The following SMIM36 variants were observed in gnomAD, a reference collection of about 807,000 sequenced individuals.
The protein encoded by SMIM36 is small integral membrane protein 36.
upstream of SMIM36, among the ~76,000 whole-genome samples, chr17:55,515,516 A>T (rs1187188023): frequency 1.3e-5 from 2 of 152,208 alleles, no homozygotes; most frequent in Non-Finnish European, 2.9e-5. Context: ...TAAGGGTGAG[A>T]TTTCACTGGA....
chr17:55,491,034 C>A (rs1389939221), intron 1 of SMIM36, among the ~76,000 whole-genome samples: 1 of 151,880 alleles, frequency 6.6e-6, no homozygotes, highest in Non-Finnish European at 1.5e-5. Flanking sequence ...ACAGGAGGAT[C>A]TCTTGAGCCC....
upstream of SMIM36, among the ~76,000 whole-genome samples, chr17:55,515,061 C>T (rs919507127): frequency 2.4e-4 from 30 of 124,920 alleles, no homozygotes; most frequent in African/African-American, 7.9e-4. Flanking sequence ...GACATTAAAG[C>T]AATGTTTTTG....
intron 4 of SMIM36, among the ~76,000 whole-genome samples, chr17:55,459,985 C>A (rs893997031): frequency 6.6e-6 from 1 of 152,060 alleles, no homozygotes; most frequent in Non-Finnish European, 1.5e-5. Context: ...GAGTGAGACC[C>A]TGTTTCTCAA....
chr17:55,453,296 G>GACAGAGTAAGACCTTGTCT lies in SMIM36; in HGVS notation c.*532-2999_*532-2998insAGACAAGGTCTTACTCTGT, dbSNP rs370513609. ...CAAGCCGCTGTACCCCAGCCTGGGT[G>GACAGAGTAAGACCTTGTCT]ACATAAATAAGTAAGTAAATAAATA... On this transcript the variant is annotated intron_variant, in intron 4 of 4. Coordinates refer to ENST00000636752, the Ensembl canonical transcript of SMIM36. Among the ~76,000 whole-genome samples the GACAGAGTAAGACCTTGTCT allele has an allele frequency of 8.2e-3, 1,244 of 152,246 alleles. 16 individuals carry two copies. The highest frequency in any genetic ancestry group is 0.028 in the African/African-American group (1,179 of 41,518).
At chr17:55,513,291 C>T (rs754708799), upstream of SMIM36, among the ~76,000 whole-genome samples, 5 of 152,142 alleles carry the variant, frequency 3.3e-5, no homozygotes, top group Non-Finnish European at 2.9e-5. Flanking sequence ...GGCCAATATG[C>T]GGTCACCAGG....
rs1277970796 is a variant in SMIM36 at position 55,501,235 on chromosome 17, A to T, written c.*174+9644T>A. ...TATAATATATATTATATATTATAAT[A>T]TATAATATAGTATTATATTTTATAT... is the stretch of plus-strand genomic sequence containing the variant. On this transcript the variant is annotated intron_variant, in intron 1 of 4. Coordinates refer to ENST00000636752, the Ensembl canonical transcript of SMIM36. Among the ~76,000 whole-genome samples the T allele has an allele frequency of 1.8e-4, 16 of 86,724 alleles. 1 individual carries two copies. The highest frequency in any genetic ancestry group is 2.6e-4 in the African/African-American group (6 of 23,228). The allele number at this position is 86,724 out of a possible 152,430, so 56.9% of individuals were successfully genotyped here. A position where few individuals can be genotyped will look rare whatever the true frequency, so the allele number is the denominator to read the frequency against.
intron 3 of SMIM36, among the ~76,000 whole-genome samples, chr17:55,467,636 T>C (rs1454729166): frequency 3.9e-5 from 6 of 152,148 alleles, no homozygotes; most frequent in Admixed American, 3.9e-4. Flanking sequence ...GACCTCGTGA[T>C]CCGCCTGCCA....
intron 1 of SMIM36, among the ~76,000 whole-genome samples, chr17:55,502,906 C>T (rs1910018366): frequency 1.4e-5 from 2 of 143,530 alleles, no homozygotes; most frequent in Non-Finnish European, 1.5e-5. Flanking sequence ...AAAACCAAGG[C>T]TCGAGAACTA....
intron 1 of SMIM36, among the ~76,000 whole-genome samples, chr17:55,497,212 A>T (rs1402174768): frequency 2.6e-5 from 4 of 152,060 alleles, no homozygotes; most frequent in Non-Finnish European, 4.4e-5. Context: ...AACCACAAGC[A>T]CATTTTTCTA....
intron 1 of SMIM36, among the ~76,000 whole-genome samples, chr17:55,505,679 C>G (rs1910069016): frequency 1.4e-5 from 1 of 72,964 alleles, no homozygotes; most frequent in Non-Finnish European, 2.2e-5. Flanking sequence ...ACAGGGATGC[C>G]CTCTCTCACC....
intron 3 of SMIM36, among the ~76,000 whole-genome samples, chr17:55,474,138 G>T (rs1003610469): frequency 2.6e-5 from 4 of 152,176 alleles, no homozygotes; most frequent in African/African-American, 9.7e-5. Context: ...CTTGGTTGTT[G>T]GAGACGTGAG....
At chr17:55,481,962 G>A (rs915949802) in intron 1 of SMIM36, among the ~76,000 whole-genome samples, 1 of 152,164 alleles carries the variant, frequency 6.6e-6, no homozygotes, top group African/African-American at 2.4e-5. Flanking sequence ...CTCCCAAAGT[G>A]CTGGGATTAC....
chr17:55,487,448 G>A (rs1401486554), intron 1 of SMIM36, among the ~76,000 whole-genome samples: 1 of 152,192 alleles, frequency 6.6e-6, no homozygotes, highest in African/African-American at 2.4e-5. Flanking sequence ...GGTGGGGAAG[G>A]CAAGGGATCA....
chr17:55,528,411 G>T, the SMIM36 span, among the ~76,000 whole-genome samples: 3 of 152,110 alleles, frequency 2.0e-5, no homozygotes, highest in South Asian at 6.2e-4. Context: ...GAGTGCAGTG[G>T]TGCGATCATA....
chr17:55,462,997 T>C (rs1909171942), intron 4 of SMIM36, among the ~76,000 whole-genome samples: 1 of 152,198 alleles, frequency 6.6e-6, no homozygotes, highest in Admixed American at 6.5e-5. Flanking sequence ...TATCTTCATT[T>C]ACCCAAGAAC....
the SMIM36 span, among the ~76,000 whole-genome samples, chr17:55,531,243 C>T: frequency 6.6e-6 from 1 of 152,172 alleles, no homozygotes; most frequent in South Asian, 2.1e-4. Context: ...CCAAACTTCC[C>T]TCAATAATGT....
chr17:55,493,341 G>C (rs1169931344), intron 1 of SMIM36, among the ~76,000 whole-genome samples: 1 of 152,208 alleles, frequency 6.6e-6, no homozygotes, highest in Non-Finnish European at 1.5e-5. Context: ...GTTAGTGGCT[G>C]GGCTAAGAAT....
Position 55,492,242 on chromosome 17 carries a change from C to CTT in SMIM36, c.*175-12664_*175-12663dup, listed in dbSNP as rs770501215. ...CTTTTTTCTTTTCTTTTCTTTCTTT[C>CTT]TTTTTTTTTTTTTTTTTTTGAGACA... On this transcript the variant is annotated intron_variant, in intron 1 of 4. Transcript: ENST00000636752. 4.6e-3 allele frequency among the ~76,000 whole-genome samples: 513 copies of CTT among 111,296 alleles called. 12 individuals carry two copies. Among genetic ancestry groups the CTT allele is most frequent in the African/African-American group, 7.6e-3 (217 of 28,440 alleles). 73.0% of individuals were successfully genotyped at this position (111,296 alleles called of 152,430 possible). A position where few individuals can be genotyped will look rare whatever the true frequency, so the allele number is the denominator to read the frequency against.
At chr17:55,528,535 C>CT in the SMIM36 span, among the ~76,000 whole-genome samples, 8 of 148,724 alleles carry the variant, frequency 5.4e-5, no homozygotes, top group Admixed American at 2.0e-4. Context: ...TCAAGGAAGT[C>CT]TTTTTTTTTC....
Sources: allele counts gnomAD v4.1 joint callset (sites outside exome capture counted in the v4.1 genomes callset), GRCh38; gene constraint gnomAD v4.1.1; transcripts MANE v1.5; gene names NCBI Gene and HGNC (gene_info 2026-07-23, HGNC 2026-07-21).